PDE10A: variants seen among roughly 807,000 people sequenced by gnomAD.
The protein encoded by PDE10A is phosphodiesterase 10A, also known as cAMP and cAMP-inhibited cGMP 3',5'-cyclic phosphodiesterase 10A.
PDE10A carries 39 observed loss-of-function variants against 97.7 expected under a neutral mutation model. That is an observed-to-expected ratio of 0.40 (90% CI 0.31 to 0.52). PDE10A has a LOEUF of 0.52. Ranked by LOEUF, PDE10A falls within the 20% of genes least tolerant of loss-of-function variation. The pLI is 0.56. For synonymous variants in PDE10A, 371 were observed against 376.8 expected, an observed-to-expected ratio of 0.98 and a Z score of 0.18; for missense variants, 731 against 1,047.8, an observed-to-expected ratio of 0.70 and a Z score of 4.17.
intron 1 of PDE10A, among the ~76,000 whole-genome samples, chr6:165,943,329 A>AAAGAAAG (rs1554343620): frequency 2.1e-4 from 14 of 66,024 alleles, no homozygotes; most frequent in African/African-American, 7.7e-4. Context: ...GAAAGAAAGA[A>AAAGAAAG]AAAGAAAGAA....
intron 3 of PDE10A, among the ~76,000 whole-genome samples, chr6:165,475,266 T>C (rs1779231416): frequency 6.6e-6 from 1 of 152,200 alleles, no homozygotes; most frequent in Non-Finnish European, 1.5e-5. Context: ...TATATGGTCA[T>C]AAGTATTAAT....
chr6:165,709,748 C>A (rs1028045793), intron 1 of PDE10A, among the ~76,000 whole-genome samples: 1 of 141,670 alleles, frequency 7.1e-6, no homozygotes, highest in Non-Finnish European at 1.5e-5. Flanking sequence ...CCAGGCTCTC[C>A]CTCTGCGAGC....
chr6:165,388,301 G>A lies in PDE10A; in HGVS notation c.2607C>T (p.Leu869=), dbSNP rs1511746. 0.15 allele frequency: 249,968 copies of A among 1,613,432 alleles called. 21,602 individuals are homozygous for A. The highest frequency in any genetic ancestry group is 0.32 in the African/African-American group (24,048 of 74,920). The stretch of plus-strand genomic sequence containing the variant: ...GAGACGGCGTGCAGTGACTCACCTG[G>A]AGGATGGACACAGTCTGGGAGAAGT... The part of the protein sequence containing the change: ...QHHFSQTVSI[L]QLEGHNIFST... Residue 869 remains leucine (L), a synonymous_variant, in exon 17 of 22, where the codon CTC becomes CTT. Coordinates refer to ENST00000539869, the MANE Select transcript of PDE10A (RefSeq NM_001385079.1). This position sits in a 1 kb window ranked among gnomAD's most constrained non-coding sequence, Gnocchi z 4.0.
chr6:165,828,171 C>A (rs1162804483), intron 1 of PDE10A, among the ~76,000 whole-genome samples: 1 of 152,174 alleles, frequency 6.6e-6, no homozygotes, highest in Non-Finnish European at 1.5e-5. Context: ...AATGTTGGTT[C>A]TAAGGCATAG....
intron 19 of PDE10A, among the ~76,000 whole-genome samples, chr6:165,341,816 C>A (rs114146430): frequency 5.9e-5 from 9 of 152,278 alleles, no homozygotes; most frequent in African/African-American, 2.2e-4. Context: ...TATGCAAGAA[C>A]CACGAGAGAT....
intron 5 of PDE10A, among the ~76,000 whole-genome samples, chr6:165,447,554 A>T (rs1790957330): frequency 6.6e-6 from 1 of 152,212 alleles, no homozygotes; most frequent in South Asian, 2.1e-4. Flanking sequence ...CAGCCAATTA[A>T]AAAATAATGG....
At position 165,362,604 on chromosome 6, in the gene PDE10A, C is replaced by A. The variant is rs1310500558; in HGVS notation, c.2783+16590G>T. On this transcript the variant is annotated intron_variant, in intron 18 of 21. Transcript: ENST00000539869. ...TAACAACCACAAAGAAACATCTATA[C>A]CCACATGACTTCACTGGTAAATTCT... 3.3e-5 allele frequency among the ~76,000 whole-genome samples: 5 copies of A among 152,118 alleles called. No homozygotes were observed. The South Asian group carries it at 8.3e-4, about 25-fold the overall frequency.
At chr6:165,531,035 C>T (rs1391800666) in intron 2 of PDE10A, among the ~76,000 whole-genome samples, 3 of 152,020 alleles carry the variant, frequency 2.0e-5, no homozygotes, top group South Asian at 4.2e-4. Flanking sequence ...TACATGGGAG[C>T]CTTTCCATCA....
At chr6:165,772,644 A>G (rs1778046699) in intron 1 of PDE10A, among the ~76,000 whole-genome samples, 1 of 152,120 alleles carries the variant, frequency 6.6e-6, no homozygotes, top group Admixed American at 6.5e-5. Context: ...GATGATGATT[A>G]TTGTCATTGT....
intron 20 of PDE10A, 145 bp from the exon 21 acceptor site, chr6:165,336,356 G>A (rs1468731560): frequency 1.1e-5 from 7 of 642,384 alleles, no homozygotes; most frequent in Non-Finnish European, 2.0e-5. Context: ...TGATATCTGG[G>A]TTCCATGAAT....
At chr6:165,432,605 TAG>T (rs1337966638) in intron 7 of PDE10A, among the ~76,000 whole-genome samples, 4 of 152,226 alleles carry the variant, frequency 2.6e-5, no homozygotes, top group African/African-American at 9.6e-5. Context: ...TATTTGACAC[TAG>T]AGTCTTTTAT....
At chr6:165,659,249 CA>C (rs1242308669) in intron 1 of PDE10A, among the ~76,000 whole-genome samples, 7 of 151,762 alleles carry the variant, frequency 4.6e-5, no homozygotes, top group East Asian at 1.9e-4. Context: ...TGACAACTTG[CA>C]TATCAGACCA....
rs146718844 is a variant in PDE10A at position 165,553,033 on chromosome 6, C to A, written c.866-9465G>T. Among the ~76,000 whole-genome samples the A allele has an allele frequency of 2.6e-5, 4 of 152,308 alleles. No homozygotes were observed. In the East Asian group the frequency reaches 7.7e-4, roughly 29 times the overall value. Reference sequence around the variant, plus strand: ...TGCTGTACCTACTTAAATTCCCATTCCTGCCCAAAGCCTACATGAGATTCT... The same window carrying A: ...TGCTGTACCTACTTAAATTCCCATTACTGCCCAAAGCCTACATGAGATTCT... On this transcript the variant is annotated intron_variant, in intron 1 of 21. Coordinates refer to ENST00000539869, the MANE Select transcript of PDE10A (RefSeq NM_001385079.1).
At chr6:165,553,242 CT>C (rs537689273) in intron 1 of PDE10A, among the ~76,000 whole-genome samples, 1 of 151,626 alleles carries the variant, frequency 6.6e-6, no homozygotes, top group African/African-American at 2.4e-5. Flanking sequence ...AGGGGGGTGT[CT>C]TTTTTTTAAA....
chr6:165,703,762 C>T (rs1198697924), intron 1 of PDE10A, among the ~76,000 whole-genome samples: 1 of 152,210 alleles, frequency 6.6e-6, no homozygotes, highest in Non-Finnish European at 1.5e-5. Context: ...CTCCATGGGT[C>T]CTCCCATCTC....
At chr6:165,956,268 A>G (rs1239528801) in intron 1 of PDE10A, among the ~76,000 whole-genome samples, 1 of 152,148 alleles carries the variant, frequency 6.6e-6, no homozygotes, top group Non-Finnish European at 1.5e-5. Flanking sequence ...CCCAAATACT[A>G]TTATTTATTT....
At chr6:165,613,786 C>T (rs530450224) in intron 1 of PDE10A, among the ~76,000 whole-genome samples, 3 of 152,150 alleles carry the variant, frequency 2.0e-5, no homozygotes, top group African/African-American at 7.2e-5. Context: ...AACTATACTC[C>T]AGCCCTTATT....
chr6:165,631,486 G>A (rs963284274), intron 1 of PDE10A, among the ~76,000 whole-genome samples: 1 of 152,208 alleles, frequency 6.6e-6, no homozygotes, highest in African/African-American at 2.4e-5. Flanking sequence ...TTTTCTAAGT[G>A]AGACAATTTG....
At chr6:165,420,667 G>A (rs1381194133) in intron 10 of PDE10A, among the ~76,000 whole-genome samples, 1 of 152,050 alleles carries the variant, frequency 6.6e-6, no homozygotes, top group African/African-American at 2.4e-5. Flanking sequence ...GGATCAAATG[G>A]ACAATGTTTC....
Sources: allele counts gnomAD v4.1 joint callset (sites outside exome capture counted in the v4.1 genomes callset), GRCh38; gene constraint gnomAD v4.1.1; non-coding constraint Gnocchi (gnomAD v3.1); transcripts MANE v1.5; gene names NCBI Gene and HGNC (gene_info 2026-07-23, HGNC 2026-07-21).